Variants in IFT43 observed in about 807,000 individuals in gnomAD.
IFT43 encodes intraflagellar transport 43, also known as intraflagellar transport protein 43 homolog.
A neutral mutation model predicts 32.3 loss-of-function variants in IFT43; 33 were observed. That is an observed-to-expected ratio of 1.02 (90% confidence interval 0.77 to 1.37). The LOEUF is 1.37. IFT43 is among the 40% of genes most tolerant of loss of function. The pLI, the probability that IFT43 is intolerant of heterozygous loss-of-function variation, is 0.00. For missense variants in IFT43, 274 were observed against 265.9 expected, an observed-to-expected ratio of 1.03 and a Z score of -0.21; for synonymous variants, 93 against 98.2, an observed-to-expected ratio of 0.95 and a Z score of 0.31.
chr14:76,041,684 G>C (rs971871171), intron 3 of IFT43, among the ~76,000 whole-genome samples: 2 of 152,132 alleles, frequency 1.3e-5, no homozygotes, highest in Non-Finnish European at 2.9e-5. Flanking sequence ...CTCTCTAGAA[G>C]TAATTACTGG....
At chr14:76,048,906 G>T (rs1229711722) in intron 3 of IFT43, among the ~76,000 whole-genome samples, 1 of 152,192 alleles carries the variant, frequency 6.6e-6, no homozygotes, top group East Asian at 1.9e-4. Flanking sequence ...CAGAACTGAG[G>T]CACCTTCTCT....
chr14:76,053,151 A>G (rs568062096), intron 3 of IFT43, among the ~76,000 whole-genome samples: 2 of 152,342 alleles, frequency 1.3e-5, no homozygotes, highest in South Asian at 4.1e-4. Flanking sequence ...ACTGTATAGG[A>G]CATATGTGAT....
At chr14:76,075,360 C>T (rs980942151) in intron 5 of IFT43, among the ~76,000 whole-genome samples, 1 of 152,130 alleles carries the variant, frequency 6.6e-6, no homozygotes, top group African/African-American at 2.4e-5. Flanking sequence ...TGCCCCTTTT[C>T]CCCTGATTCG....
At chr14:76,001,985 T>C (rs141190070) in intron 2 of IFT43, among the ~76,000 whole-genome samples, 2,062 of 152,340 alleles carry the variant, frequency 0.014, 54 homozygotes, top group African/African-American at 0.043. Context: ...TGGTGGCTCA[T>C]GCCTTTTATC....
chr14:76,039,077 C>A (rs1251029526), intron 3 of IFT43, among the ~76,000 whole-genome samples: 1 of 151,798 alleles, frequency 6.6e-6, no homozygotes, highest in African/African-American at 2.4e-5. Flanking sequence ...TTGTCCAGCA[C>A]AGGCACGCAG....
At chr14:76,043,471 ATT>A (rs571213911) in intron 3 of IFT43, among the ~76,000 whole-genome samples, 2 of 146,332 alleles carry the variant, frequency 1.4e-5, no homozygotes. Context: ...AGGTATCACG[ATT>A]TTTTTTTTTT....
At chr14:76,036,689 G>A (rs930212107) in intron 3 of IFT43, among the ~76,000 whole-genome samples, 2 of 152,132 alleles carry the variant, frequency 1.3e-5, no homozygotes, top group Non-Finnish European at 2.9e-5. Flanking sequence ...ACAGGCGTGA[G>A]CCACCATGCC....
chr14:76,041,443 C>T (rs933275749), intron 3 of IFT43, among the ~76,000 whole-genome samples: 2 of 152,188 alleles, frequency 1.3e-5, no homozygotes, highest in African/African-American at 2.4e-5. Flanking sequence ...TAGAGCCAGT[C>T]TCATCCAATG....
intron 3 of IFT43, among the ~76,000 whole-genome samples, chr14:76,024,615 TAAC>T (rs2036355830): frequency 1.3e-5 from 2 of 152,374 alleles, no homozygotes; most frequent in South Asian, 4.1e-4. Flanking sequence ...AAGTTATGAA[TAAC>T]AACAGTGCAT....
intron 3 of IFT43, chr14:76,022,654 T>A (rs1258334212): frequency 3.2e-6 from 1 of 310,638 alleles, no homozygotes; most frequent in Non-Finnish European, 5.9e-6. Flanking sequence ...CCACTTCCCA[T>A]GTCCCCCCAA....
rs760750784 is a variant in IFT43, at chr14:76,076,705, T to C, written c.296-5590T>C. The C allele has an allele frequency of 1.2e-6, 2 of 1,614,094 alleles. No individual in the cohort carries two copies. Among genetic ancestry groups the C allele is most frequent in the South Asian group, 2.2e-5 (2 of 91,060 alleles). The stretch of plus-strand genomic sequence containing the variant: ...TGGAAGAGGCAGGTAGGCTTTTGAC[T>C]GTCAGTCTACGGGAACTGAAAAGGA... On this transcript the variant is annotated intron_variant, in intron 5 of 8. Transcript: ENST00000314067.
chr14:76,019,982 C>CT (rs1229779672), intron 2 of IFT43, among the ~76,000 whole-genome samples: 134 of 147,594 alleles, frequency 9.1e-4, no homozygotes, highest in Admixed American at 2.1e-3. Flanking sequence ...TGTTTGTACT[C>CT]TTTTTTTTTT....
At chr14:76,007,721 T>A (rs1431953467) in intron 2 of IFT43, among the ~76,000 whole-genome samples, 1 of 152,230 alleles carries the variant, frequency 6.6e-6, no homozygotes, top group East Asian at 1.9e-4. Flanking sequence ...GGTTTTGGTT[T>A]ATGATGAATG....
At chr14:76,077,811 C>G (rs1213677847) in intron 5 of IFT43, among the ~76,000 whole-genome samples, 1 of 152,220 alleles carries the variant, frequency 6.6e-6, no homozygotes, top group East Asian at 1.9e-4. Context: ...CCAGTTACTT[C>G]TCACCGCCGA....
intron 2 of IFT43, among the ~76,000 whole-genome samples, chr14:76,012,713 A>G (rs138393311): frequency 2.0e-5 from 3 of 152,332 alleles, no homozygotes; most frequent in African/African-American, 7.2e-5. Context: ...CCTGAGGACT[A>G]CCGTCACTTG....
At chr14:76,051,790 T>C (rs2036918186) in intron 3 of IFT43, among the ~76,000 whole-genome samples, 1 of 152,240 alleles carries the variant, frequency 6.6e-6, no homozygotes, top group African/African-American at 2.4e-5. Flanking sequence ...ACGTAGTTGG[T>C]ATCTCTTTCC....
At chr14:76,004,953 T>G (rs1007457260) in intron 2 of IFT43, among the ~76,000 whole-genome samples, 2 of 152,222 alleles carry the variant, frequency 1.3e-5, no homozygotes, top group Non-Finnish European at 2.9e-5. Flanking sequence ...TCCCATCTGT[T>G]CATTCATTAT....
intron 5 of IFT43, among the ~76,000 whole-genome samples, chr14:76,082,059 A>G (rs1319315282): frequency 1.3e-5 from 2 of 152,202 alleles, no homozygotes; most frequent in Non-Finnish European, 2.9e-5. Context: ...AAAAATCTGG[A>G]TGCTTGAGCG....
At chr14:76,063,974 C>A (rs371017924) in intron 5 of IFT43, among the ~76,000 whole-genome samples, 20 of 152,160 alleles carry the variant, frequency 1.3e-4, no homozygotes, top group African/African-American at 4.1e-4. Context: ...CCAGCGAGGG[C>A]AGGAGTCCTG....
Sources: allele counts gnomAD v4.1 joint callset (sites outside exome capture counted in the v4.1 genomes callset), GRCh38; gene constraint gnomAD v4.1.1; transcripts MANE v1.5; gene names NCBI Gene and HGNC (gene_info 2026-07-23, HGNC 2026-07-21).